Variants in IVD observed in about 807,000 individuals in gnomAD.
The protein encoded by IVD is isovaleryl-CoA dehydrogenase.
IVD carries 31 observed loss-of-function variants against 51.3 expected under a neutral mutation model. The observed-to-expected ratio is 0.60, with a 90% CI of 0.45 to 0.81. The LOEUF (loss-of-function observed/expected upper bound fraction) is 0.81. Ranked by LOEUF, IVD falls within the 40% of genes least tolerant of loss-of-function variation. The pLI is 0.00. For synonymous variants in IVD, 205 were observed against 219.4 expected (o/e 0.93, Z 0.58); for missense variants, 475 against 552.0 (o/e 0.86, Z 1.40).
At chr15:40,424,007 C>G (rs1424525820), downstream of IVD, 8 of 378,842 alleles carry the variant, frequency 2.1e-5, no homozygotes, top group Non-Finnish European at 3.3e-5. Flanking sequence ...GTTACTCTTG[C>G]AGGGGGCCGT....
At chr15:40,414,867 T>C in intron 7 of IVD, 22 bp from the exon 8 acceptor site, 1 of 1,613,846 alleles carries the variant, frequency 6.2e-7, no homozygotes, top group Non-Finnish European at 8.5e-7. Context: ...TCTCTCCCTC[T>C]GACCAGCACT....
downstream of IVD, among the ~76,000 whole-genome samples, chr15:40,427,583 A>G (rs568247732): frequency 2.6e-4 from 39 of 152,316 alleles, no homozygotes; most frequent in Admixed American, 2.4e-3. Context: ...CCCTTAGTTC[A>G]TACTTGAGTC....
chr15:40,412,038 G>A (rs1431340952), intron 6 of IVD, among the ~76,000 whole-genome samples: 1 of 152,198 alleles, frequency 6.6e-6, no homozygotes, highest in Non-Finnish European at 1.5e-5. Context: ...GGATGCAAGT[G>A]GAGACTGCCC....
rs754570116 is a variant in IVD, at chr15:40,410,720, G to A, written c.379G>A (p.Gly127Ser). Residue 127 changes from glycine (G) to serine (S), a missense_variant, in exon 4 of 12, where the codon GGT (glycine) becomes AGT (serine). Physicochemically the swap from Gly to Ser is moderately conservative, Grantham distance 56. Transcript: ENST00000487418. ...RASGAVGLSY[G>S]AHSNLCINQL... The stretch of plus-strand genomic sequence containing the variant: ...TTCCGGAGCAGTGGGGCTCAGTTAC[G>A]GTGCCCACTCCAACCTCTGCATCAA... 14 of 1,614,056 alleles carry A rather than the reference G, an allele frequency of 8.7e-6. No individual in the cohort carries two copies. Among genetic ancestry groups the A allele is most frequent in the African/African-American group, 4.0e-5 (3 of 74,910 alleles).
intron 7 of IVD, among the ~76,000 whole-genome samples, chr15:40,431,636 A>G (rs1892981555): frequency 6.6e-6 from 1 of 151,980 alleles, no homozygotes; most frequent in Admixed American, 6.6e-5. Flanking sequence ...CAGAGCTTGC[A>G]GTGAGCTGAG....
At position 40,411,558 on chromosome 15, in the gene IVD, A is replaced by G. The variant is rs766187968; in HGVS notation, c.554A>G (p.Asn185Ser). 10 of 1,614,108 alleles carry G rather than the reference A, an allele frequency of 6.2e-6. No homozygotes were observed. Among genetic ancestry groups the G allele is most frequent in the Non-Finnish European group, 7.6e-6 (9 of 1,180,060 alleles). Reference protein sequence around the residue: ...SMKLKAEKKGNHYILNGNKFW... With the variant: ...SMKLKAEKKGSHYILNGNKFW... ...ATAGCCAACATCCTGCCCTTAGGAA[A>G]TCACTACATCCTGAATGGCAACAAG... Residue 185 changes from asparagine to serine, a missense_variant, in exon 6 of 12, where the codon AAT becomes AGT. Coordinates refer to ENST00000487418, the MANE Select transcript of IVD (RefSeq NM_002225.5).
chr15:40,435,664 G>A (rs1893227900), downstream of IVD: 19 of 1,046,020 alleles, frequency 1.8e-5, no homozygotes, highest in Non-Finnish European at 2.1e-5. Context: ...CAAAGCTTAG[G>A]TGGCCCTACC....
At chr15:40,412,911 C>T in intron 6 of IVD, 80 bp from the exon 7 acceptor site, 1 of 1,150,686 alleles carries the variant, frequency 8.7e-7, no homozygotes, top group Non-Finnish European at 1.3e-6. Flanking sequence ...AGGTGAGTGC[C>T]TTCTTCCCAG....
chr15:40,422,581 C>A (rs1449694568), downstream of IVD, among the ~76,000 whole-genome samples: 1 of 73,412 alleles, frequency 1.4e-5, no homozygotes, highest in African/African-American at 5.1e-5. Context: ...CCGCGCCCGG[C>A]CGACTTTTTT....
chr15:40,413,768 G>A (rs1891344809), intron 7 of IVD, among the ~76,000 whole-genome samples: 1 of 151,994 alleles, frequency 6.6e-6, no homozygotes, highest in Non-Finnish European at 1.5e-5. Flanking sequence ...TCAGCTCACG[G>A]CAGCCTCCAC....
intron 7 of IVD, among the ~76,000 whole-genome samples, chr15:40,433,601 G>GGAGGT (rs1477777021): frequency 1.3e-5 from 2 of 152,210 alleles, no homozygotes; most frequent in African/African-American, 4.8e-5. Context: ...TAACAGTAAA[G>GGAGGT]GAGGTGACCC....
chr15:40,422,140 G>A (rs60243461), downstream of IVD, among the ~76,000 whole-genome samples: 190 of 152,360 alleles, frequency 1.2e-3, no homozygotes, highest in African/African-American at 4.4e-3. Flanking sequence ...GCAAACGCGC[G>A]GAGCCAGCCT....
intron 1 of IVD, chr15:40,406,199 A>G: frequency 6.5e-7 from 1 of 1,528,242 alleles, no homozygotes; most frequent in Non-Finnish European, 8.8e-7. Flanking sequence ...ACCGTGGGAC[A>G]GTACTGCTGG....
chr15:40,409,835 C>CT (rs11365500), intron 3 of IVD, among the ~76,000 whole-genome samples: 20,471 of 131,586 alleles, frequency 0.16, 1,951 homozygotes, highest in Non-Finnish European at 0.21. Flanking sequence ...CTGCTTCTTT[C>CT]TTTTTTTTTT....
intron 11 of IVD, 132 bp from the exon 12 acceptor site, chr15:40,417,998 C>T: frequency 7.5e-7 from 1 of 1,328,426 alleles, no homozygotes. Flanking sequence ...ACCCCTCCCT[C>T]TTGCTACCTT....
At chr15:40,428,618 C>T (rs141846992), downstream of IVD, among the ~76,000 whole-genome samples, 19 of 152,294 alleles carry the variant, frequency 1.2e-4, 1 homozygote, top group East Asian at 2.3e-3. Context: ...CATTCACTGG[C>T]CCTCCAGGCT....
At chr15:40,409,900 G>C (rs541732947) in intron 3 of IVD, among the ~76,000 whole-genome samples, 2 of 149,164 alleles carry the variant, frequency 1.3e-5, no homozygotes, top group East Asian at 2.0e-4. Flanking sequence ...GCAGTGGCGC[G>C]ATCTCGGCTC....
At position 40,411,543 on chromosome 15, in the gene IVD, T is replaced by C. The variant is rs1488816936; in HGVS notation, c.551-12T>C. ...AGATGGCTTGAGCAAATAGCCAACA[T>C]CCTGCCCTTAGGAAATCACTACATC... On this transcript the variant is annotated splice_polypyrimidine_tract_variant and intron_variant, in intron 5 of 11. Transcript: ENST00000487418. 16 of 1,614,166 alleles carry C rather than the reference T, an allele frequency of 9.9e-6. No individual in the cohort carries two copies. The highest frequency in any genetic ancestry group is 1.4e-5 in the Non-Finnish European group (16 of 1,180,028).
chr15:40,406,193 T>TG, intron 1 of IVD: 1 of 1,531,440 alleles, frequency 6.5e-7, no homozygotes, highest in Non-Finnish European at 8.8e-7. Flanking sequence ...TTTGAGACCG[T>TG]GGGACAGTAC....
Sources: allele counts gnomAD v4.1 joint callset (sites outside exome capture counted in the v4.1 genomes callset), GRCh38; gene constraint gnomAD v4.1.1; transcripts MANE v1.5; gene names NCBI Gene and HGNC (gene_info 2026-07-23, HGNC 2026-07-21).